The following RELN variants were observed in gnomAD, a reference collection of about 807,000 sequenced individuals.
RELN encodes the protein reelin.
RELN carries 108 observed loss-of-function variants against 427.6 expected under a neutral mutation model. The ratio of observed to expected loss-of-function variants is 0.25; its 90% CI spans 0.22 to 0.30. RELN has a LOEUF of 0.30. RELN is among the 10% of genes least tolerant of loss of function. RELN has a pLI of 1.00. For synonymous variants in RELN, 1,524 were observed against 1,513.4 expected (o/e 1.01, Z -0.16); for missense variants, 3,715 against 4,302.8 (o/e 0.86, Z 3.82).
chr7:103,836,745 G>A (rs1486265100), intron 2 of RELN, among the ~76,000 whole-genome samples: 1 of 152,102 alleles, frequency 6.6e-6, no homozygotes, highest in Non-Finnish European at 1.5e-5. Flanking sequence ...AGCCTCTCCT[G>A]TCCACTTCCA....
intron 1 of RELN, among the ~76,000 whole-genome samples, chr7:103,928,937 A>G (rs1280637113): frequency 6.6e-6 from 1 of 152,214 alleles, no homozygotes; most frequent in Admixed American, 6.5e-5. Context: ...TGAATTTGGC[A>G]GGTATATGTT....
At chr7:103,899,705 T>A (rs1232393242) in intron 2 of RELN, among the ~76,000 whole-genome samples, 1 of 152,130 alleles carries the variant, frequency 6.6e-6, no homozygotes. Context: ...AAAAACCACA[T>A]TATCTCAATA....
intron 20 of RELN, among the ~76,000 whole-genome samples, chr7:103,624,748 C>T (rs906537809): frequency 1.3e-5 from 2 of 152,104 alleles, no homozygotes; most frequent in Admixed American, 1.3e-4. Flanking sequence ...TAATTCACAG[C>T]TGATTTCACT....
intron 4 of RELN, among the ~76,000 whole-genome samples, chr7:103,763,235 C>T (rs2116141545): frequency 6.6e-6 from 1 of 152,288 alleles, no homozygotes; most frequent in African/African-American, 2.4e-5. Context: ...AAAAGCACTT[C>T]TGGGGACATG....
At chr7:103,952,633 G>A (rs1796356744) in intron 1 of RELN, among the ~76,000 whole-genome samples, 1 of 151,978 alleles carries the variant, frequency 6.6e-6, no homozygotes. Context: ...CACTGCAAAT[G>A]ATCTTAAATG....
chr7:103,816,530 A>AACACACACACACACACAC (rs57873981), intron 3 of RELN, among the ~76,000 whole-genome samples: 8,077 of 143,500 alleles, frequency 0.056, 310 homozygotes, highest in Admixed American at 0.084. Context: ...TTTCTCTAGA[A>AACACACACACACACACAC]ACACACACAC....
In RELN at chr7:103,515,295, A is replaced by C. The variant is rs550287694; in HGVS notation, c.8009T>G (p.Met2670Arg). Residue 2670 changes from methionine (M) to arginine (R), a missense_variant, in exon 50 of 65, where the codon ATG (methionine) becomes AGG (arginine). Around this residue, in one of 4 missense-constraint regions of RELN, gnomAD observed 1,310 missense variants for 1,643.0 expected, o/e 0.80. Transcript: ENST00000428762. ...ISGSADQRTV[M>R]LDTFSSAPVP... ...TGGGGCGCTGCTGAAGGTGTCCAGC[A>C]TAACGGTCCTTTGGTCAGCAGAGCC... The C allele has an allele frequency of 6.2e-7, 1 of 1,614,206 alleles. No individual in the cohort carries two copies. Among genetic ancestry groups the C allele is most frequent in the South Asian group, 1.1e-5 (1 of 91,070 alleles).
chr7:103,961,399 TC>T (rs1796550833), intron 1 of RELN, among the ~76,000 whole-genome samples: 1 of 152,062 alleles, frequency 6.6e-6, no homozygotes, highest in Non-Finnish European at 1.5e-5. Context: ...TTAGTTTTTT[TC>T]CCCCTTTTGG....
At chr7:103,838,210 A>AG (rs1793460686) in intron 2 of RELN, among the ~76,000 whole-genome samples, 3 of 3,440 alleles carry the variant, frequency 8.7e-4, no homozygotes, top group African/African-American at 2.2e-3. Flanking sequence ...CTTCGTCTCA[A>AG]AAAAAAAAAA....
intron 2 of RELN, among the ~76,000 whole-genome samples, chr7:103,899,445 G>C (rs1428818641): frequency 6.6e-6 from 1 of 152,104 alleles, no homozygotes; most frequent in East Asian, 1.9e-4. Flanking sequence ...CATTTTATGA[G>C]GCCAGCATCA....
At chr7:103,557,204 T>C (rs1298319441) in intron 37 of RELN, 45 bp from the exon 38 acceptor site, 1 of 1,475,400 alleles carries the variant, frequency 6.8e-7, no homozygotes, top group East Asian at 2.3e-5. Flanking sequence ...GTGATAAAAA[T>C]GGGGAAATGG....
chr7:103,688,338 T>C (rs181989635), intron 10 of RELN, among the ~76,000 whole-genome samples: 1 of 152,202 alleles, frequency 6.6e-6, no homozygotes, highest in Non-Finnish European at 1.5e-5. Context: ...GCAAAGCACA[T>C]TTCTGAAAAG....
Position 103,551,276 on chromosome 7 carries a change from A to G in RELN, c.6093T>C (p.Thr2031=), listed in dbSNP as rs750567050. The G allele has an allele frequency of 6.2e-7, 1 of 1,613,878 alleles. No homozygotes were observed. The highest frequency in any genetic ancestry group is 8.5e-7 in the Non-Finnish European group (1 of 1,179,986). The change falls in exon 41 of 65, where the codon ACT becomes ACC. Residue 2031 remains threonine, a synonymous_variant. Coordinates refer to ENST00000428762, the MANE Select transcript of RELN (RefSeq NM_005045.4). ...TCACTGGATCCGCGGATGAGCTATCAGTCGAACAGCCAACGTTGATCTTGG... is the reference window on the plus strand; with the variant it reads ...TCACTGGATCCGCGGATGAGCTATCGGTCGAACAGCCAACGTTGATCTTGG... The part of the protein sequence containing the change: ...IQFEINVGCS[T]DSSSADPVRL...
intron 2 of RELN, among the ~76,000 whole-genome samples, chr7:103,907,089 T>C (rs1795223531): frequency 6.6e-6 from 1 of 152,094 alleles, no homozygotes; most frequent in Non-Finnish European, 1.5e-5. Flanking sequence ...ATATATGTTA[T>C]GCCAGGATAA....
In RELN at chr7:103,747,074, T is replaced by C. The variant is rs188485474; in HGVS notation, c.656+2352A>G. The stretch of plus-strand genomic sequence containing the variant: ...GTGTCACATATACACCATGGAATAC[T>C]ATGCAGCCACAAAAAATGATGAGTT... On this transcript the variant is annotated intron_variant, in intron 6 of 64. Coordinates refer to ENST00000428762, the MANE Select transcript of RELN (RefSeq NM_005045.4). Among the ~76,000 whole-genome samples the C allele has an allele frequency of 7.2e-3, 1,099 of 152,296 alleles. 15 individuals are homozygous for C. Among genetic ancestry groups the C allele is most frequent in the East Asian group, 0.049 (253 of 5,188 alleles).
chr7:103,956,908 G>A (rs943011500), intron 1 of RELN, among the ~76,000 whole-genome samples: 3 of 152,138 alleles, frequency 2.0e-5, no homozygotes, highest in African/African-American at 7.2e-5. Context: ...GCAAGCAGGG[G>A]ATGAATGGAT....
intron 1 of RELN, among the ~76,000 whole-genome samples, chr7:103,935,958 T>C (rs1227691431): frequency 6.6e-6 from 1 of 152,134 alleles, no homozygotes; most frequent in Non-Finnish European, 1.5e-5. Flanking sequence ...CATGTCTCTC[T>C]CTCTCTTCCC....
At chr7:103,825,698 G>A (rs1270995361) in intron 3 of RELN, among the ~76,000 whole-genome samples, 2 of 152,106 alleles carry the variant, frequency 1.3e-5, no homozygotes, top group Non-Finnish European at 1.5e-5. Context: ...TTCTACATTT[G>A]TGCTGTTCAA....
chr7:103,855,161 TA>T (rs747122103), intron 2 of RELN, among the ~76,000 whole-genome samples: 10 of 152,198 alleles, frequency 6.6e-5, no homozygotes, highest in Admixed American at 1.3e-4. Context: ...AAAGAAAGAG[TA>T]AAATTCTCTT....
Sources: gnomAD v4.1 joint callset for allele counts (sites outside exome capture counted in the v4.1 genomes callset) on GRCh38, gnomAD v4.1.1 for gene constraint, gnomAD v4.1.1 regional missense constraint, MANE v1.5 for transcripts, NCBI Gene and HGNC (gene_info 2026-07-23, HGNC 2026-07-21) for gene names.